The following UBE2L6 variants were observed in gnomAD, a reference collection of about 807,000 sequenced individuals.
The protein encoded by UBE2L6 is ubiquitin/ISG15-conjugating enzyme E2 L6.
Under a neutral mutation model 13.6 loss-of-function variants are expected in UBE2L6, and 11 were observed. The observed-to-expected ratio is 0.81, with a 90% CI of 0.51 to 1.34. The LOEUF is 1.34. UBE2L6 is among the 40% of genes most tolerant of loss of function. The pLI is 0.00. For missense variants in UBE2L6, 197 were observed against 199.5 expected (o/e 0.99, Z 0.07); for synonymous variants, 74 against 83.2 (o/e 0.89, Z 0.60).
intron 2 of UBE2L6, 89 bp from the exon 3 acceptor site, chr11:57,554,712 TC>T: frequency 1.4e-6 from 2 of 1,401,256 alleles, no homozygotes; most frequent in Non-Finnish European, 2.0e-6. Flanking sequence ...TCTGCTTCAC[TC>T]CCAGGAGGAA....
chr11:57,567,800 C>G (rs1428809438), upstream of UBE2L6: 2 of 567,362 alleles, frequency 3.5e-6, no homozygotes, highest in Non-Finnish European at 5.7e-6. Flanking sequence ...GGACGACCCG[C>G]CGGACAACCG....
intron 2 of UBE2L6, among the ~76,000 whole-genome samples, chr11:57,556,689 G>A (rs906215801): frequency 2.0e-5 from 3 of 151,920 alleles, no homozygotes; most frequent in African/African-American, 7.3e-5. Context: ...AGGAGAAAAG[G>A]CTGTGCCTAT....
chr11:57,553,139 T>C (rs1382431209), intron 3 of UBE2L6, among the ~76,000 whole-genome samples: 2 of 152,186 alleles, frequency 1.3e-5, no homozygotes. Flanking sequence ...AGCCACAGGC[T>C]CTAGAGCTGT....
chr11:57,554,442 C>T lies in UBE2L6; in HGVS notation c.305G>A (p.Cys102Tyr), dbSNP rs766756809. 2 of 1,613,320 alleles carry T rather than the reference C, an allele frequency of 1.2e-6. No individual in the cohort carries two copies. The highest frequency in any genetic ancestry group is 1.7e-5 in the Admixed American group (1 of 59,936). Residue 102 changes from cysteine (C) to tyrosine (Y), a missense_variant, in exon 3 of 4, where the codon TGC becomes TAC. Cys to Tyr is a radical substitution (Grantham distance 194, BLOSUM62 -2). Transcript: ENST00000287156. ...CAAGCAAAGCCCAACCCCACCTTGG[C>T]AAGTCTTGGTGCAAGGCTTCCAGTT... is the stretch of plus-strand genomic sequence containing the variant. ...SENWKPCTKT[C>Y]QVLEALNVLV...
chr11:57,554,333 T>C, intron 3 of UBE2L6, 104 bp downstream of exon 3: 1 of 1,384,438 alleles, frequency 7.2e-7, no homozygotes, highest in Non-Finnish European at 9.9e-7. Context: ...ACAATTTTTA[T>C]CTCCTCTCTT....
At chr11:57,562,598 C>T (rs774047850) in intron 1 of UBE2L6, among the ~76,000 whole-genome samples, 12 of 152,238 alleles carry the variant, frequency 7.9e-5, no homozygotes, top group Admixed American at 2.0e-4. Flanking sequence ...GCTTGTGTCA[C>T]ACCTCACCCA....
intron 2 of UBE2L6, among the ~76,000 whole-genome samples, chr11:57,557,393 TTC>T (rs1315674960): frequency 5.5e-5 from 7 of 126,356 alleles, no homozygotes; most frequent in Non-Finnish European, 1.2e-4. Flanking sequence ...GGTGCCATGC[TTC>T]TTTTTTTTTT....
intron 1 of UBE2L6, among the ~76,000 whole-genome samples, chr11:57,562,581 T>C (rs1945055649): frequency 6.6e-6 from 1 of 152,204 alleles, no homozygotes; most frequent in Non-Finnish European, 1.5e-5. Context: ...CTGGTGACCA[T>C]GGGGATGCTT....
chr11:57,560,617 TTTTTTC>T, intron 1 of UBE2L6, 185 bp from the exon 2 acceptor site: 1 of 502,084 alleles, frequency 2.0e-6, no homozygotes. Context: ...GTGCTTTTTC[TTTTTTC>T]TTTTTTTTTT....
rs751049878 is a variant in UBE2L6, at chr11:57,552,324, C to G, written c.*34G>C. 1.9e-6 allele frequency: 3 copies of G among 1,611,894 alleles called. No homozygotes were observed. The highest frequency in any genetic ancestry group is 2.2e-5 in the South Asian group (2 of 90,846). On this transcript the variant is annotated 3_prime_UTR_variant, in exon 4 of 4. Transcript: ENST00000287156. ...CATGAGGTGTGTCCGTCCGCTATGC[C>G]GAGGATCCAGTGCACAGAGGGTCAG...
chr11:57,559,991 G>A (rs1945025960), intron 2 of UBE2L6, among the ~76,000 whole-genome samples: 1 of 152,160 alleles, frequency 6.6e-6, no homozygotes, highest in Non-Finnish European at 1.5e-5. Context: ...TGAGAGCCTG[G>A]AAGTTTATCC....
chr11:57,556,588 G>A (rs1158841731), intron 2 of UBE2L6, among the ~76,000 whole-genome samples: 5 of 45,128 alleles, frequency 1.1e-4, no homozygotes, highest in African/African-American at 3.9e-4. Flanking sequence ...GCAAAACTCC[G>A]TCTCAAAAAA....
At chr11:57,565,150 G>A (rs1463721128) in intron 1 of UBE2L6, among the ~76,000 whole-genome samples, 1 of 151,786 alleles carries the variant, frequency 6.6e-6, no homozygotes, top group African/African-American at 2.4e-5. Flanking sequence ...GCTGAGGCAG[G>A]AGAATCACTT....
At chr11:57,567,807 A>G, upstream of UBE2L6, 6 of 544,948 alleles carry the variant, frequency 1.1e-5, no homozygotes, top group South Asian at 9.0e-5. Context: ...CCGCCGGACA[A>G]CCGCCCGATC....
intron 2 of UBE2L6, 61 bp from the exon 3 acceptor site, chr11:57,554,684 C>T (rs188278854): frequency 3.1e-5 from 50 of 1,590,424 alleles, no homozygotes; most frequent in Admixed American, 1.5e-4. Flanking sequence ...TGCCCCAATC[C>T]GAGGGTCCTA....
At chr11:57,564,836 A>G (rs1465472693) in intron 1 of UBE2L6, among the ~76,000 whole-genome samples, 1 of 152,080 alleles carries the variant, frequency 6.6e-6, no homozygotes, top group African/African-American at 2.4e-5. Flanking sequence ...ACAGATTAGT[A>G]TAACACTGTA....
chr11:57,560,146 CA>C (rs1318450087), intron 2 of UBE2L6, among the ~76,000 whole-genome samples, 190 bp downstream of exon 2: 2 of 152,174 alleles, frequency 1.3e-5, no homozygotes, highest in Admixed American at 6.6e-5. Flanking sequence ...GCATCTTTAT[CA>C]GAAGGTGAAC....
At chr11:57,563,692 C>T (rs1340110129) in intron 1 of UBE2L6, among the ~76,000 whole-genome samples, 1 of 149,556 alleles carries the variant, frequency 6.7e-6, no homozygotes, top group Non-Finnish European at 1.5e-5. Context: ...GAGATCGAGA[C>T]CATCCTGGCT....
intron 3 of UBE2L6, among the ~76,000 whole-genome samples, chr11:57,553,699 G>T (rs1057384830): frequency 2.6e-5 from 4 of 151,776 alleles, no homozygotes; most frequent in Non-Finnish European, 4.4e-5. Flanking sequence ...GGTGTCATAC[G>T]CCTGTAATTC....
Sources: gnomAD v4.1 joint callset for allele counts (sites outside exome capture counted in the v4.1 genomes callset) on GRCh38, gnomAD v4.1.1 for gene constraint, MANE v1.5 for transcripts, NCBI Gene and HGNC (gene_info 2026-07-23, HGNC 2026-07-21) for gene names.